Variants in CBR4 observed in about 807,000 individuals in gnomAD.
CBR4 encodes the protein carbonyl reductase 4.
A neutral mutation model predicts 21.0 loss-of-function variants in CBR4; 22 were observed. The ratio of observed to expected loss-of-function variants is 1.05; its 90% CI spans 0.75 to 1.50. The LOEUF is 1.50. CBR4 is among the 40% of genes most tolerant of loss of function. CBR4 has a pLI of 0.00. For missense variants in CBR4, 302 were observed against 286.3 expected, an observed-to-expected ratio of 1.05 and a Z score of -0.40; for synonymous variants, 100 against 104.4, an observed-to-expected ratio of 0.96 and a Z score of 0.26.
chr4:168,901,609 G>A (rs1020846432), intron 2 of CBR4, among the ~76,000 whole-genome samples: 1 of 152,204 alleles, frequency 6.6e-6, no homozygotes, highest in Non-Finnish European at 1.5e-5. Context: ...TGGAATCCCA[G>A]CACTTTGGGA....
Position 169,002,212 on chromosome 4 carries a change from CAAAAAAAAAAAAAAAA to C in CBR4, c.401-23_401-8del, listed in dbSNP as rs60552620. The C allele has an allele frequency of 7.9e-6, 8 of 1,016,978 alleles. No individual in the cohort carries two copies. The highest frequency in any genetic ancestry group is 7.4e-5 in the Admixed American group (1 of 13,576). The allele number at this position is 1,016,978 out of a possible 1,614,324, so 63.0% of individuals were successfully genotyped here. On this transcript the variant is annotated splice_region_variant and splice_polypyrimidine_tract_variant and intron_variant, in intron 3 of 4. Transcript: ENST00000306193. ...TTTAAGCCAACAATGCTTCCTAGGA[CAAAAAAAAAAAAAAAA>C]AAAAAAAAAGCGTATTAAATTCAAT... is the stretch of plus-strand genomic sequence containing the variant.
intron 2 of CBR4, chr4:168,896,599 G>T: frequency 6.7e-7 from 1 of 1,497,810 alleles, no homozygotes; most frequent in Non-Finnish European, 9.0e-7. Flanking sequence ...ATGGTCAAAA[G>T]GTTAAGCTTT....
intron 2 of CBR4, chr4:168,924,486 T>TCA: frequency 7.2e-7 from 1 of 1,389,962 alleles, no homozygotes; most frequent in Non-Finnish European, 1.0e-6. Flanking sequence ...AAAAGATACA[T>TCA]TTTATATAGC....
intron 2 of CBR4, among the ~76,000 whole-genome samples, chr4:168,900,883 A>G (rs1756366377): frequency 6.6e-6 from 1 of 152,228 alleles, no homozygotes; most frequent in Non-Finnish European, 1.5e-5. Flanking sequence ...AACTTCCAAG[A>G]TATTCACAAG....
chr4:168,971,358 TC>T (rs1226398044), intron 2 of CBR4, among the ~76,000 whole-genome samples: 2 of 151,640 alleles, frequency 1.3e-5, no homozygotes, highest in Non-Finnish European at 2.9e-5. Flanking sequence ...AACCTCTGCT[TC>T]CCAGGTTCAA....
intron 2 of CBR4, chr4:168,926,495 T>TAA: frequency 1.6e-6 from 1 of 607,002 alleles, no homozygotes; most frequent in Non-Finnish European, 2.7e-6. Context: ...TATAAGAAAT[T>TAA]AAAAAAAAAA....
At chr4:168,903,047 G>A (rs569091841) in intron 2 of CBR4, among the ~76,000 whole-genome samples, 1 of 152,270 alleles carries the variant, frequency 6.6e-6, no homozygotes, top group African/African-American at 2.4e-5. Flanking sequence ...GTAGGCATGA[G>A]CCACTGTACC....
chr4:168,962,753 T>G lies in CBR4; in HGVS notation n.169+39318A>C, dbSNP rs185129937. Among the ~76,000 whole-genome samples, 5 of 152,226 alleles carry G rather than the reference T, an allele frequency of 3.3e-5. No homozygotes were observed. The South Asian group carries it at 8.3e-4, about 25-fold the overall frequency. On this transcript the variant is annotated intron_variant and non_coding_transcript_variant, in intron 2 of 3. Coordinates refer to the CBR4 transcript ENST00000509108. ...AGATTGCTAATGGAAACGTGTTGAA[T>G]AAGAAGACAGCCCAGGACAGAACTT...
chr4:168,912,981 G>C (rs1759307703), intron 2 of CBR4, among the ~76,000 whole-genome samples: 1 of 151,894 alleles, frequency 6.6e-6, no homozygotes, highest in Non-Finnish European at 1.5e-5. Context: ...GTATTTAACT[G>C]CTTCTAGTTT....
chr4:168,899,023 A>G (rs28606448), intron 2 of CBR4, among the ~76,000 whole-genome samples: 2,660 of 152,210 alleles, frequency 0.017, 62 homozygotes, highest in African/African-American at 0.045. Context: ...AGTTCTGTGA[A>G]GTGAGTTTCC....
intron 2 of CBR4, chr4:168,903,728 TA>T (rs1560891410): frequency 2.5e-6 from 4 of 1,589,356 alleles, no homozygotes; most frequent in Non-Finnish European, 2.6e-6. Context: ...CACAAACTCC[TA>T]ATCTTTAATC....
At chr4:168,900,254 T>G (rs1312131625) in intron 2 of CBR4, among the ~76,000 whole-genome samples, 1 of 152,186 alleles carries the variant, frequency 6.6e-6, no homozygotes, top group Non-Finnish European at 1.5e-5. Context: ...GAGTCCCATT[T>G]CAGCATGAGA....
intron 4 of CBR4, among the ~76,000 whole-genome samples, chr4:168,995,720 T>C (rs1765163388): frequency 6.6e-6 from 1 of 152,152 alleles, no homozygotes; most frequent in African/African-American, 2.4e-5. Context: ...AAACTACCAG[T>C]AGGTGCCACT....
chr4:169,001,237 C>T (rs1037167072), intron 4 of CBR4: 2 of 151,672 alleles, frequency 1.3e-5, no homozygotes, highest in African/African-American at 4.8e-5. Context: ...ATACTCCTGC[C>T]TCAGCCTCCC....
intron 4 of CBR4, 114 bp from the exon 5 acceptor site, chr4:168,990,442 A>G: frequency 8.7e-7 from 1 of 1,143,414 alleles, no homozygotes; most frequent in Non-Finnish European, 1.2e-6. Flanking sequence ...TATTTAAAAA[A>G]AAATTTTTTT....
chr4:168,902,313 ACTTG>A (rs1756695960), intron 2 of CBR4, among the ~76,000 whole-genome samples: 1 of 151,126 alleles, frequency 6.6e-6, no homozygotes, highest in African/African-American at 2.4e-5. Context: ...ACAACAAATA[ACTTG>A]CTGTGGCTTA....
intron 2 of CBR4, among the ~76,000 whole-genome samples, chr4:168,956,029 C>T (rs1356626000): frequency 1.3e-5 from 2 of 152,164 alleles, no homozygotes; most frequent in African/African-American, 4.8e-5. Context: ...ACAATCGGCA[C>T]AGCAGCACTG....
chr4:168,931,220 G>A (rs1484460464), intron 2 of CBR4, among the ~76,000 whole-genome samples: 1 of 152,200 alleles, frequency 6.6e-6, no homozygotes, highest in African/African-American at 2.4e-5. Flanking sequence ...CTAAGCACCT[G>A]ACATGCCCTC....
At chr4:169,004,334 C>T (rs1031371173) in intron 3 of CBR4, among the ~76,000 whole-genome samples, 4 of 152,070 alleles carry the variant, frequency 2.6e-5, no homozygotes, top group African/African-American at 9.7e-5. Flanking sequence ...TTTACATGCA[C>T]TGAGAAACTA....
Sources: allele counts gnomAD v4.1 joint callset (sites outside exome capture counted in the v4.1 genomes callset), GRCh38; gene constraint gnomAD v4.1.1; transcripts MANE v1.5; gene names NCBI Gene and HGNC (gene_info 2026-07-23, HGNC 2026-07-21).